The following PEAK1 variants were observed in gnomAD, a reference collection of about 807,000 sequenced individuals.
PEAK1 encodes the protein pseudopodium enriched atypical kinase 1.
A neutral mutation model predicts 124.7 loss-of-function variants in PEAK1; 54 were observed. That is an observed-to-expected ratio of 0.43 (90% CI 0.35 to 0.54). The LOEUF (loss-of-function observed/expected upper bound fraction) is 0.54. Among genes scored for constraint, PEAK1 ranks in the 20% least tolerant of loss-of-function variants. The probability of loss-of-function intolerance (pLI) is 0.01; values close to 1 mark genes in which losing one functional copy is unlikely to be tolerated. For missense variants in PEAK1, 2,046 were observed against 2,134.5 expected (o/e 0.96, Z 0.82); for synonymous variants, 719 against 760.0 (o/e 0.95, Z 0.89).
chr15:77,379,726 G>C lies in PEAK1; in HGVS notation c.-665-14501C>G, dbSNP rs78982186. ...AGGACCTTCATAAGAGATCTAATTAGCTTTAGAAAACGGGCCAGAAACTCT... is the reference window on the plus strand; with the variant it reads ...AGGACCTTCATAAGAGATCTAATTACCTTTAGAAAACGGGCCAGAAACTCT... On this transcript the variant is annotated intron_variant, in intron 1 of 9. Transcript: ENST00000682557. Among the ~76,000 whole-genome samples the C allele has an allele frequency of 8.9e-4, 135 of 152,152 alleles. 2 individuals are homozygous for C. In the East Asian group the frequency reaches 0.021, roughly 24 times the overall value.
intron 3 of PEAK1, among the ~76,000 whole-genome samples, chr15:77,286,022 T>G (rs538579211): frequency 1.3e-5 from 2 of 152,348 alleles, no homozygotes; most frequent in Admixed American, 6.5e-5. Flanking sequence ...ATACACTGCT[T>G]TAAATGTGTC....
At chr15:77,343,985 T>A (rs2141363456) in intron 2 of PEAK1, among the ~76,000 whole-genome samples, 2 of 152,350 alleles carry the variant, frequency 1.3e-5, no homozygotes, top group South Asian at 4.1e-4. Flanking sequence ...GGAAATATAG[T>A]TTTACCAGCA....
intron 2 of PEAK1, chr15:77,332,265 C>T (rs532125970): frequency 1.0e-6 from 1 of 984,952 alleles, no homozygotes; most frequent in Non-Finnish European, 1.2e-6. Context: ...CCCCCTGAAA[C>T]TAAACAGGAA....
chr15:77,274,215 C>T (rs534635130), intron 5 of PEAK1, among the ~76,000 whole-genome samples: 4 of 152,098 alleles, frequency 2.6e-5, no homozygotes, highest in African/African-American at 9.6e-5. Flanking sequence ...CACTGGCTTA[C>T]GCAAAGACTT....
chr15:77,179,466 A>T lies in PEAK1; in HGVS notation c.2461T>A (p.Phe821Ile). The T allele has an allele frequency of 1.2e-6, 2 of 1,614,086 alleles. No homozygotes were observed. The highest frequency in any genetic ancestry group is 1.7e-6 in the Non-Finnish European group (2 of 1,179,998). The change falls in exon 7 of 10, where the codon TTT becomes ATT. Residue 821 changes from phenylalanine to isoleucine, a missense_variant. Physicochemically the swap from Phe to Ile is conservative, Grantham distance 21. Coordinates refer to ENST00000682557, the MANE Select transcript of PEAK1 (RefSeq NM_001385026.1). The part of the protein sequence containing the change: ...KSTPVRPKSL[F>I]TSQPSGEAEA... ...GCCTCACCACTAGGCTGAGATGTAAAGAGAGATTTGGGCCGGACTGGCGTA... is the reference window on the plus strand; with the variant it reads ...GCCTCACCACTAGGCTGAGATGTAATGAGAGATTTGGGCCGGACTGGCGTA...
At chr15:77,317,253 T>C (rs899502044) in intron 2 of PEAK1, among the ~76,000 whole-genome samples, 1 of 152,186 alleles carries the variant, frequency 6.6e-6, no homozygotes. Flanking sequence ...TGTAAATATC[T>C]GTCATGTTTC....
intron 1 of PEAK1, among the ~76,000 whole-genome samples, chr15:77,384,523 A>G (rs535245050): frequency 7.9e-4 from 120 of 152,238 alleles, no homozygotes; most frequent in Non-Finnish European, 1.4e-3. Flanking sequence ...CCAAATTAAT[A>G]ATACATTATG....
chr15:77,277,927 T>C (rs375527325), intron 5 of PEAK1, among the ~76,000 whole-genome samples: 11 of 152,188 alleles, frequency 7.2e-5, no homozygotes, highest in African/African-American at 2.7e-4. Context: ...ACTAGAATGG[T>C]GGACAGCTGT....
chr15:77,405,861 C>G (rs2071775806), intron 1 of PEAK1, among the ~76,000 whole-genome samples: 1 of 152,036 alleles, frequency 6.6e-6, no homozygotes, highest in Admixed American at 6.5e-5. Flanking sequence ...ATTCAGAGGT[C>G]TAACTCCCTA....
chr15:77,102,704 A>G (rs1405051058), exon 7 of PEAK1: 1 of 152,190 alleles, frequency 6.6e-6, no homozygotes. Flanking sequence ...TCATACTGAT[A>G]CTATTTTTAG....
Position 77,395,041 on chromosome 15 carries a change from G to T in PEAK1, c.-666+24965C>A, listed in dbSNP as rs2141959056. ...AACAAACTAAAATTGCTATTTTTGA[G>T]GAAATGCAATAAAAATCAAGATAAA... On this transcript the variant is annotated intron_variant, in intron 1 of 9. Coordinates refer to ENST00000682557, the MANE Select transcript of PEAK1 (RefSeq NM_001385026.1). Among the ~76,000 whole-genome samples the T allele has an allele frequency of 1.3e-5, 2 of 152,094 alleles. 1 individual carries two copies. The highest frequency in any genetic ancestry group is 4.2e-4 in the South Asian group (2 of 4,814).
At chr15:77,417,750 C>T (rs2073006712) in intron 1 of PEAK1, 1 of 985,460 alleles carries the variant, frequency 1.0e-6, no homozygotes, top group Non-Finnish European at 1.2e-6. Flanking sequence ...AACAACAAAT[C>T]TCTCTCATGA....
At chr15:77,140,101 TA>T (rs1204722290) in intron 8 of PEAK1, among the ~76,000 whole-genome samples, 1 of 152,120 alleles carries the variant, frequency 6.6e-6, no homozygotes, top group African/African-American at 2.4e-5. Flanking sequence ...ATTAGTATTT[TA>T]AAAAATTCCC....
chr15:77,278,444 T>C, intron 5 of PEAK1: 1 of 446,454 alleles, frequency 2.2e-6, no homozygotes, highest in South Asian at 1.8e-5. Context: ...CGCACCTATG[T>C]CCTACCACAT....
chr15:77,375,839 A>AT (rs2068968920), intron 1 of PEAK1, among the ~76,000 whole-genome samples: 1 of 152,054 alleles, frequency 6.6e-6, no homozygotes, highest in Non-Finnish European at 1.5e-5. Flanking sequence ...ACTAAAAAAA[A>AT]CAAAAACAAA....
chr15:77,379,810 T>C (rs1354399852), intron 1 of PEAK1, among the ~76,000 whole-genome samples: 1 of 152,172 alleles, frequency 6.6e-6, no homozygotes, highest in Non-Finnish European at 1.5e-5. Flanking sequence ...CAAGACTAAA[T>C]GCTGTTTCAC....
chr15:77,247,950 T>C (rs947349913), intron 6 of PEAK1, among the ~76,000 whole-genome samples: 4 of 152,240 alleles, frequency 2.6e-5, no homozygotes, highest in African/African-American at 2.4e-5. Context: ...TGTTTTGATA[T>C]CACAATACTA....
intron 2 of PEAK1, chr15:77,346,375 C>T (rs1202563992): frequency 2.3e-5 from 23 of 984,564 alleles, no homozygotes; most frequent in Non-Finnish European, 2.7e-5. Context: ...TCTATAATCC[C>T]AGACAGAAAA....
chr15:77,125,151 A>T (rs1000595817), intron 9 of PEAK1, among the ~76,000 whole-genome samples: 1 of 152,222 alleles, frequency 6.6e-6, no homozygotes, highest in Non-Finnish European at 1.5e-5. Flanking sequence ...ATATTTATTG[A>T]ATGCCAGCTA....
Sources: gnomAD v4.1 joint callset for allele counts (sites outside exome capture counted in the v4.1 genomes callset) on GRCh38, gnomAD v4.1.1 for gene constraint, MANE v1.5 for transcripts, NCBI Gene and HGNC (gene_info 2026-07-23, HGNC 2026-07-21) for gene names.